TCF20: variants seen among roughly 807,000 people sequenced by gnomAD.
TCF20 encodes the protein transcription factor 20.
In TCF20, 3 loss-of-function variants were observed where a neutral mutation model predicts 148.6. The ratio of observed to expected loss-of-function variants is 0.02; its 90% CI spans 0.01 to 0.05. The LOEUF (loss-of-function observed/expected upper bound fraction) is 0.05, where lower values mean the gene tolerates loss of function less well. TCF20 is among the 10% of genes least tolerant of loss of function. TCF20 has a pLI of 1.00. For synonymous variants in TCF20, 1,049 were observed against 909.5 expected (o/e 1.15, Z -2.76); for missense variants, 2,350 against 2,429.3 (o/e 0.97, Z 0.69).
intron 1 of TCF20, among the ~76,000 whole-genome samples, chr22:42,228,944 T>G (rs766527597): frequency 6.6e-6 from 1 of 152,188 alleles, no homozygotes; most frequent in Non-Finnish European, 1.5e-5. Flanking sequence ...TTGTGAAACT[T>G]TTGTTTCTGT....
intron 1 of TCF20, among the ~76,000 whole-genome samples, chr22:42,240,893 C>A (rs1924335882): frequency 6.6e-6 from 1 of 151,856 alleles, no homozygotes; most frequent in South Asian, 2.1e-4. Context: ...TTGCTCTGTC[C>A]CCCCCAGGCT....
chr22:42,314,090 C>G (rs1427095198), intron 1 of TCF20, among the ~76,000 whole-genome samples: 5 of 152,228 alleles, frequency 3.3e-5, no homozygotes, highest in Non-Finnish European at 1.5e-5. Flanking sequence ...AAGGCAGATA[C>G]AGGCTCAGCA....
intron 1 of TCF20, among the ~76,000 whole-genome samples, chr22:42,339,804 GGCCAGCCTGATGCTCACGGA>G (rs1458623434): frequency 1.3e-5 from 2 of 152,192 alleles, no homozygotes; most frequent in East Asian, 1.9e-4. Flanking sequence ...GTGCTCACGG[GGCCAGCCTGATGCTCACGGA>G]GCCAGCCTGA....
intron 2 of TCF20, among the ~76,000 whole-genome samples, chr22:42,195,451 G>A (rs905356818): frequency 3.3e-5 from 5 of 150,286 alleles, no homozygotes; most frequent in Non-Finnish European, 7.4e-5. Flanking sequence ...TTTATACGTA[G>A]ATTAAAATTC....
rs60716508 is a variant in TCF20, at chr22:42,173,243, T to TTAA, written c.5750-3348_5750-3347insTTA. On this transcript the variant is annotated intron_variant, in intron 3 of 5. Transcript: ENST00000677622. ...GGCTCATTGCATTAAATACATTAAT[T>TTAA]AAAAAAAAAAAAAAACAGAGCTCAT... 4.2e-4 allele frequency among the ~76,000 whole-genome samples: 58 copies of TTAA among 137,408 alleles called. 1 individual carries two copies. The highest frequency in any genetic ancestry group is 1.2e-3 in the African/African-American group (46 of 38,700). The allele number at this position is 137,408 out of a possible 152,430, so 90.1% of individuals were successfully genotyped here. A position where few individuals can be genotyped will look rare whatever the true frequency, so the allele number is the denominator to read the frequency against.
intron 1 of TCF20, among the ~76,000 whole-genome samples, chr22:42,327,395 C>A (rs1456247378): frequency 6.6e-6 from 1 of 152,146 alleles, no homozygotes; most frequent in Non-Finnish European, 1.5e-5. Flanking sequence ...CTCCCCCTCC[C>A]CCAACCTGCC....
At chr22:42,228,729 G>A (rs576585100) in intron 1 of TCF20, among the ~76,000 whole-genome samples, 29 of 152,348 alleles carry the variant, frequency 1.9e-4, no homozygotes, top group African/African-American at 6.7e-4. Flanking sequence ...TCCAAGGAAA[G>A]GTGGAGTAGA....
At chr22:42,231,502 TAAA>T (rs1220739381) in intron 1 of TCF20, among the ~76,000 whole-genome samples, 1 of 151,998 alleles carries the variant, frequency 6.6e-6, no homozygotes, top group Non-Finnish European at 1.5e-5. Context: ...ATAATAATCA[TAAA>T]AAAGTTTATA....
At chr22:42,195,891 T>G (rs534703642) in intron 2 of TCF20, among the ~76,000 whole-genome samples, 1 of 152,170 alleles carries the variant, frequency 6.6e-6, no homozygotes, top group Non-Finnish European at 1.5e-5. Context: ...ACGTGTCTCT[T>G]AAAGAACCTG....
At chr22:42,205,155 A>G (rs192582147) in intron 2 of TCF20, among the ~76,000 whole-genome samples, 4 of 152,332 alleles carry the variant, frequency 2.6e-5, no homozygotes, top group Admixed American at 2.0e-4. Flanking sequence ...TACCTCTGTA[A>G]TATCATTCAT....
chr22:42,312,586 G>A (rs1927555584), intron 1 of TCF20, among the ~76,000 whole-genome samples: 1 of 152,160 alleles, frequency 6.6e-6, no homozygotes, highest in African/African-American at 2.4e-5. Context: ...CCCACGTTCA[G>A]AGCCAGCTCT....
chr22:42,209,503 A>G (rs915815488), intron 2 of TCF20, 148 bp downstream of exon 2: 1 of 931,422 alleles, frequency 1.1e-6, no homozygotes. Flanking sequence ...AATCTTCCAA[A>G]TTACCTATTT....
intron 1 of TCF20, among the ~76,000 whole-genome samples, chr22:42,216,422 T>C (rs1921811886): frequency 1.3e-5 from 2 of 152,316 alleles, no homozygotes; most frequent in Middle Eastern, 3.4e-3. Context: ...CTACCTGTGA[T>C]GACTGGTGAC....
At chr22:42,216,316 C>T (rs143864873) in intron 1 of TCF20, among the ~76,000 whole-genome samples, 47 of 152,106 alleles carry the variant, frequency 3.1e-4, no homozygotes, top group African/African-American at 1.1e-3. Context: ...CTGCTGATCG[C>T]CACTCCCCAA....
In TCF20 at chr22:42,290,067, C is replaced by T. The variant is rs1927105819; in HGVS notation, c.-37+53412G>A. Among the ~76,000 whole-genome samples the T allele has an allele frequency of 1.3e-5, 2 of 152,254 alleles. No homozygotes were observed. The highest frequency in any genetic ancestry group is 2.1e-4 in the South Asian group (1 of 4,836). On this transcript the variant is annotated intron_variant, in intron 1 of 1. Coordinates refer to the TCF20 transcript ENST00000515426. This position sits in a 1 kb window ranked among gnomAD's most constrained non-coding sequence, Gnocchi z 4.2. The stretch of plus-strand genomic sequence containing the variant: ...CCACAGCCGGCTCACTCCCGCCGCA[C>T]GCATGCGCCCCCTGCACCGCCGGCT...
intron 2 of TCF20, among the ~76,000 whole-genome samples, chr22:42,196,595 C>A (rs1271970999): frequency 6.6e-6 from 1 of 152,214 alleles, no homozygotes; most frequent in Admixed American, 6.5e-5. Flanking sequence ...AACCAGAGGC[C>A]TTCACCTGAC....
At chr22:42,320,462 C>G (rs73433564) in intron 1 of TCF20, among the ~76,000 whole-genome samples, 4,692 of 152,276 alleles carry the variant, frequency 0.031, 219 homozygotes, top group African/African-American at 0.1. Context: ...CTCAATGTGC[C>G]CTTCCTCCAC....
chr22:42,171,471 C>A (rs1936128474), intron 3 of TCF20, among the ~76,000 whole-genome samples: 1 of 152,172 alleles, frequency 6.6e-6, no homozygotes. Context: ...TTGGCCAGAC[C>A]TGGAACATCA....
chr22:42,165,221 A>G (rs1198260268), intron 5 of TCF20, among the ~76,000 whole-genome samples: 1 of 152,252 alleles, frequency 6.6e-6, no homozygotes, highest in African/African-American at 2.4e-5. Context: ...ACATTCATGC[A>G]TACACACAAA....
Sources: allele counts gnomAD v4.1 joint callset (sites outside exome capture counted in the v4.1 genomes callset), GRCh38; gene constraint gnomAD v4.1.1; non-coding constraint Gnocchi (gnomAD v3.1); transcripts MANE v1.5; gene names NCBI Gene and HGNC (gene_info 2026-07-23, HGNC 2026-07-21).